Variants in IMMP1L observed in about 807,000 individuals in gnomAD.
IMMP1L encodes the protein inner mitochondrial membrane peptidase subunit 1.
In IMMP1L, 24 loss-of-function variants were observed where a neutral mutation model predicts 21.8. That is an observed-to-expected ratio of 1.10 (90% CI 0.80 to 1.55). The LOEUF (loss-of-function observed/expected upper bound fraction) is 1.55, where lower values mean the gene tolerates loss of function less well. Ranked by LOEUF, IMMP1L falls within the 40% of genes most tolerant of loss-of-function variation. The probability of loss-of-function intolerance (pLI) is 0.00; values close to 1 mark genes in which losing one functional copy is unlikely to be tolerated. For synonymous variants in IMMP1L, 46 were observed against 62.8 expected, an observed-to-expected ratio of 0.73 and a Z score of 1.26; for missense variants, 195 against 200.7, an observed-to-expected ratio of 0.97 and a Z score of 0.17.
At chr11:31,506,258 C>T (rs1322483104) in intron 1 of IMMP1L, among the ~76,000 whole-genome samples, 1 of 8,050 alleles carries the variant, frequency 1.2e-4, no homozygotes, top group Admixed American at 1.5e-3. Context: ...GACACAGTCT[C>T]GCTGTGTCGC....
rs1217068222 is a variant in IMMP1L at position 31,460,863 on chromosome 11, G to A, written c.106-149C>T. On this transcript the variant is annotated intron_variant, in intron 2 of 5. Transcript: ENST00000532287. ...TGAAAATTTGGCAGTTCTCAAGTAA[G>A]TTCAACTCTAGAGTAGCCACTAAGT... 1.1e-5 allele frequency: 7 copies of A among 631,276 alleles called. No individual in the cohort carries two copies. In the Admixed American group the frequency reaches 2.0e-4, roughly 18 times the overall value. 39.1% of individuals were successfully genotyped at this position (631,276 alleles called of 1,614,324 possible). A position where few individuals can be genotyped will look rare whatever the true frequency, so the allele number is the denominator to read the frequency against.
chr11:31,441,892 C>G (rs1953342854), intron 4 of IMMP1L, among the ~76,000 whole-genome samples: 3 of 152,026 alleles, frequency 2.0e-5, no homozygotes, highest in South Asian at 4.1e-4. Context: ...AATGGAAATG[C>G]CTAATTCTAT....
chr11:31,501,343 A>G (rs1438698878), intron 1 of IMMP1L, among the ~76,000 whole-genome samples: 1 of 152,172 alleles, frequency 6.6e-6, no homozygotes, highest in Non-Finnish European at 1.5e-5. Flanking sequence ...GGAGGTGTTT[A>G]GGTCTGAGGG....
At chr11:31,484,362 C>T (rs1390120467) in intron 1 of IMMP1L, among the ~76,000 whole-genome samples, 1 of 151,738 alleles carries the variant, frequency 6.6e-6, no homozygotes, top group Non-Finnish European at 1.5e-5. Context: ...ACAAAAAGTA[C>T]CTTACTGTAC....
In IMMP1L at chr11:31,489,750, C is replaced by CT. The variant is rs372073209; in HGVS notation, c.-30+19768dup. Among the ~76,000 whole-genome samples, 910 of 151,622 alleles carry CT rather than the reference C, an allele frequency of 6.0e-3. 14 individuals carry two copies. The highest frequency in any genetic ancestry group is 7.2e-3 in the African/African-American group (298 of 41,384). ...ATCTTCTCTCTTTATGACACTACCA[C>CT]TTTTTTTTTCTTTTAACCTGGTACC... On this transcript the variant is annotated intron_variant, in intron 1 of 5. Transcript: ENST00000532287.
intron 5 of IMMP1L, among the ~76,000 whole-genome samples, 169 bp from the exon 6 acceptor site, chr11:31,432,737 CTT>C (rs1156843437): frequency 6.6e-6 from 1 of 152,116 alleles, no homozygotes; most frequent in Non-Finnish European, 1.5e-5. Flanking sequence ...AGAAAATAAA[CTT>C]ATGTGTATAT....
chr11:31,500,931 T>A (rs961410088), intron 1 of IMMP1L, among the ~76,000 whole-genome samples: 1 of 152,206 alleles, frequency 6.6e-6, no homozygotes, highest in Non-Finnish European at 1.5e-5. Flanking sequence ...TAGAAAAAGG[T>A]TGCCAAAGCT....
chr11:31,449,978 G>T (rs1591960738), intron 4 of IMMP1L, among the ~76,000 whole-genome samples: 1 of 152,156 alleles, frequency 6.6e-6, no homozygotes, highest in African/African-American at 2.4e-5. Flanking sequence ...CTATTAATAT[G>T]TCTATTCTCA....
intron 1 of IMMP1L, among the ~76,000 whole-genome samples, chr11:31,504,730 C>T (rs767269516): frequency 1.3e-5 from 2 of 152,146 alleles, no homozygotes; most frequent in Non-Finnish European, 2.9e-5. Flanking sequence ...GCCACAACGA[C>T]ACACATTAAC....
intron 1 of IMMP1L, among the ~76,000 whole-genome samples, chr11:31,505,331 C>G (rs1361926459): frequency 6.6e-6 from 1 of 152,032 alleles, no homozygotes; most frequent in Non-Finnish European, 1.5e-5. Context: ...AGATAGGCAC[C>G]TTGGAGAAAT....
intron 1 of IMMP1L, among the ~76,000 whole-genome samples, chr11:31,490,458 G>T (rs944743181): frequency 6.8e-6 from 1 of 147,726 alleles, no homozygotes; most frequent in Non-Finnish European, 1.5e-5. Flanking sequence ...GTGACAAAGC[G>T]AGACTCCATC....
chr11:31,433,580 GAGA>G lies in IMMP1L; in HGVS notation c.322-13_322-11del. ...CATGACCCATTGGCACCTAGAATTA[GAGA>G]AGAAATGCAGCCTCTTAAAGATAAA... is the stretch of plus-strand genomic sequence containing the variant. On this transcript the variant is annotated splice_polypyrimidine_tract_variant and intron_variant, in intron 4 of 5. Coordinates refer to ENST00000532287, the MANE Select transcript of IMMP1L (RefSeq NM_001304274.2). 1 of 1,526,728 alleles carries G rather than the reference GAGA, an allele frequency of 6.5e-7. No homozygotes were observed. The highest frequency in any genetic ancestry group is 9.0e-7 in the Non-Finnish European group (1 of 1,106,862). The allele number at this position is 1,526,728 out of a possible 1,614,324, so 94.6% of individuals were successfully genotyped here. A position where few individuals can be genotyped will look rare whatever the true frequency, so the allele number is the denominator to read the frequency against.
At chr11:31,507,370 T>A (rs1488859785) in intron 1 of IMMP1L, among the ~76,000 whole-genome samples, 1 of 152,166 alleles carries the variant, frequency 6.6e-6, no homozygotes, top group African/African-American at 2.4e-5. Context: ...TGTATATAGA[T>A]CATCTTTCCA....
At chr11:31,493,342 G>C (rs1046192276) in intron 1 of IMMP1L, among the ~76,000 whole-genome samples, 2 of 152,018 alleles carry the variant, frequency 1.3e-5, no homozygotes. Flanking sequence ...GCAAAGAGGG[G>C]AAAGCCCCTT....
chr11:31,459,754 G>C (rs1954072939), intron 3 of IMMP1L, among the ~76,000 whole-genome samples: 1 of 152,034 alleles, frequency 6.6e-6, no homozygotes, highest in Non-Finnish European at 1.5e-5. Context: ...AAAAGGTTTA[G>C]TGACACACAA....
intron 1 of IMMP1L, among the ~76,000 whole-genome samples, chr11:31,493,409 T>C (rs1955320588): frequency 6.6e-6 from 1 of 151,960 alleles, no homozygotes; most frequent in African/African-American, 2.4e-5. Context: ...AGTATGGGGG[T>C]AACCCACCCC....
intron 1 of IMMP1L, among the ~76,000 whole-genome samples, chr11:31,485,997 A>T (rs1464329233): frequency 6.6e-6 from 1 of 151,858 alleles, no homozygotes; most frequent in Non-Finnish European, 1.5e-5. Context: ...GCCCTTTAGA[A>T]GATGAACTGT....
In IMMP1L at chr11:31,458,920, T is replaced by G. The variant is rs562030578; in HGVS notation, c.194+1706A>C. On this transcript the variant is annotated intron_variant, in intron 3 of 5. Coordinates refer to ENST00000532287, the MANE Select transcript of IMMP1L (RefSeq NM_001304274.2). ...TTCAAAAACTATTCAGCCAACAAGT[T>G]CATCTCCTCATTCAGGATGCCCAAG... 1.4e-4 allele frequency among the ~76,000 whole-genome samples: 21 copies of G among 152,274 alleles called. No individual in the cohort carries two copies. In the South Asian group the frequency reaches 4.1e-3, roughly 30 times the overall value.
chr11:31,437,745 G>T (rs1204071080), intron 4 of IMMP1L, among the ~76,000 whole-genome samples: 3 of 152,068 alleles, frequency 2.0e-5, no homozygotes, highest in Non-Finnish European at 4.4e-5. Flanking sequence ...TTCCTTTGCA[G>T]TCAGTTCCTA....
Sources: gnomAD v4.1 joint callset for allele counts (sites outside exome capture counted in the v4.1 genomes callset) on GRCh38, gnomAD v4.1.1 for gene constraint, MANE v1.5 for transcripts, NCBI Gene and HGNC (gene_info 2026-07-23, HGNC 2026-07-21) for gene names.